RSPO3: variants seen among roughly 807,000 people sequenced by gnomAD.
The protein encoded by RSPO3 is R-spondin-3.
Under a neutral mutation model 36.5 loss-of-function variants are expected in RSPO3, and 17 were observed. The observed-to-expected ratio is 0.47, with a 90% CI of 0.32 to 0.70. The LOEUF is 0.70. Ranked by LOEUF, RSPO3 falls within the 30% of genes least tolerant of loss-of-function variation. The pLI is 0.04. For missense variants in RSPO3, 294 were observed against 322.5 expected, an observed-to-expected ratio of 0.91 and a Z score of 0.68; for synonymous variants, 108 against 107.0, an observed-to-expected ratio of 1.01 and a Z score of -0.06.
At chr6:127,151,570 T>C (rs1183383364) in intron 3 of RSPO3, among the ~76,000 whole-genome samples, 3 of 152,028 alleles carry the variant, frequency 2.0e-5, no homozygotes, top group African/African-American at 7.2e-5. Context: ...AGGGGTCCCT[T>C]AGAATCTAAA....
At chr6:127,135,520 A>T (rs1774138690) in intron 1 of RSPO3, among the ~76,000 whole-genome samples, 1 of 151,828 alleles carries the variant, frequency 6.6e-6, no homozygotes, top group Admixed American at 6.6e-5. Context: ...GAAGATGTGA[A>T]CTCTATTAAT....
chr6:127,144,811 G>A (rs1457435073), intron 1 of RSPO3, among the ~76,000 whole-genome samples: 1 of 151,608 alleles, frequency 6.6e-6, no homozygotes, highest in East Asian at 1.9e-4. Flanking sequence ...TAGTAGAGAC[G>A]GAGTTTCACC....
chr6:127,167,640 T>C (rs1357296039), intron 4 of RSPO3, among the ~76,000 whole-genome samples: 1 of 151,996 alleles, frequency 6.6e-6, no homozygotes, highest in Non-Finnish European at 1.5e-5. Context: ...CTTTAAGTTC[T>C]AGGGTACATG....
In RSPO3 at chr6:127,198,619, C is replaced by T. The variant is rs948363548; in HGVS notation, c.*2612C>T. On this transcript the variant is annotated 3_prime_UTR_variant, in exon 5 of 5. Transcript: ENST00000356698. ...ATAAATCTGTTAATGTCTGATCAAGCTCCTGCCCTGTTCTCCGAATTCAGC... is the reference window on the plus strand; with the variant it reads ...ATAAATCTGTTAATGTCTGATCAAGTTCCTGCCCTGTTCTCCGAATTCAGC... Among the ~76,000 whole-genome samples the T allele has an allele frequency of 3.3e-5, 5 of 152,190 alleles. No homozygotes were observed. The highest frequency in any genetic ancestry group is 7.2e-5 in the African/African-American group (3 of 41,446).
At chr6:127,126,347 G>C (rs1483577903) in intron 1 of RSPO3, among the ~76,000 whole-genome samples, 1 of 152,096 alleles carries the variant, frequency 6.6e-6, no homozygotes, top group Non-Finnish European at 1.5e-5. Context: ...AATGTGTGCT[G>C]TGATGACATT....
chr6:127,134,896 C>T (rs1774123132), intron 1 of RSPO3, among the ~76,000 whole-genome samples: 1 of 152,122 alleles, frequency 6.6e-6, no homozygotes, highest in Non-Finnish European at 1.5e-5. Flanking sequence ...ATCTTCTGAC[C>T]TAATGAATAG....
At chr6:127,120,835 T>C (rs148615318) in intron 1 of RSPO3, among the ~76,000 whole-genome samples, 1 of 152,364 alleles carries the variant, frequency 6.6e-6, no homozygotes, top group East Asian at 1.9e-4. Context: ...TCCGATTTAT[T>C]ATTCTTGGCC....
intron 1 of RSPO3, among the ~76,000 whole-genome samples, chr6:127,133,160 T>C (rs1774090071): frequency 6.6e-6 from 1 of 152,148 alleles, no homozygotes; most frequent in African/African-American, 2.4e-5. Flanking sequence ...ACATATGCAA[T>C]GGAACTTTAC....
intron 4 of RSPO3, among the ~76,000 whole-genome samples, chr6:127,161,366 G>C: frequency 8.0e-6 from 1 of 125,764 alleles, no homozygotes; most frequent in East Asian, 2.4e-4. Flanking sequence ...CAATATTAAA[G>C]AAAAAGCTCT....
At chr6:127,140,796 A>G (rs1774253599) in intron 1 of RSPO3, among the ~76,000 whole-genome samples, 3 of 152,106 alleles carry the variant, frequency 2.0e-5, no homozygotes, top group Non-Finnish European at 4.4e-5. Context: ...TTGCAGCCTC[A>G]TTGGTACCTG....
intron 4 of RSPO3, among the ~76,000 whole-genome samples, chr6:127,178,912 G>A (rs144285984): frequency 7.2e-5 from 11 of 151,860 alleles, no homozygotes; most frequent in Admixed American, 4.6e-4. Context: ...GAACTGAAGC[G>A]GTGAACACCC....
rs534775552 is a variant in RSPO3, at chr6:127,129,510, C to T, written c.97+10221C>T. Among the ~76,000 whole-genome samples, 12 of 152,170 alleles carry T rather than the reference C, an allele frequency of 7.9e-5. No homozygotes were observed. In the South Asian group the frequency reaches 2.5e-3, roughly 32 times the overall value. ...AGTAATTAGACTGAAGAAAGCCAGGCTCCTTGGGAGGAAGGTCATCACAGC... is the reference window on the plus strand; with the variant it reads ...AGTAATTAGACTGAAGAAAGCCAGGTTCCTTGGGAGGAAGGTCATCACAGC... On this transcript the variant is annotated intron_variant, in intron 1 of 4. Coordinates refer to ENST00000356698, the MANE Select transcript of RSPO3 (RefSeq NM_032784.5).
chr6:127,176,028 T>C (rs576247872), intron 4 of RSPO3, among the ~76,000 whole-genome samples: 2 of 151,910 alleles, frequency 1.3e-5, no homozygotes, highest in South Asian at 4.1e-4. Flanking sequence ...TTGGATGCTC[T>C]GTAATGTTAA....
At chr6:127,120,416 G>A (rs959907148) in intron 1 of RSPO3, among the ~76,000 whole-genome samples, 2 of 152,204 alleles carry the variant, frequency 1.3e-5, no homozygotes, top group African/African-American at 4.8e-5. Context: ...GCTCGCGAGG[G>A]GCAGGAAGCG....
At position 127,148,703 on chromosome 6, in the gene RSPO3, C is replaced by T; in HGVS notation, c.153C>T (p.Tyr51=). ...GAGGCTGTGCAACATGCTCAGATTA[C>T]AATGGATGTTTGTCATGTAAGCCCA... ...CQGGCATCSD[Y]NGCLSCKPRL... is the part of the protein sequence containing the mutation. The change falls in exon 2 of 5, where the codon TAC becomes TAT. Residue 51 remains tyrosine (Y), a synonymous_variant. Transcript: ENST00000356698. 1 of 1,613,232 alleles carries T rather than the reference C, an allele frequency of 6.2e-7. No homozygotes were observed. The highest frequency in any genetic ancestry group is 1.1e-5 in the South Asian group (1 of 91,032).
chr6:127,159,510 G>A (rs900445176), intron 4 of RSPO3, among the ~76,000 whole-genome samples: 1 of 151,982 alleles, frequency 6.6e-6, no homozygotes, highest in Non-Finnish European at 1.5e-5. Context: ...GGACACTCCA[G>A]GGAAGAAACA....
At chr6:127,172,768 A>T (rs1344959583) in intron 4 of RSPO3, among the ~76,000 whole-genome samples, 1 of 151,744 alleles carries the variant, frequency 6.6e-6, no homozygotes, top group East Asian at 1.9e-4. Context: ...GCATATATGC[A>T]TTATTATTAT....
At chr6:127,161,918 C>A (rs554968780) in intron 4 of RSPO3, among the ~76,000 whole-genome samples, 2 of 152,192 alleles carry the variant, frequency 1.3e-5, no homozygotes, top group South Asian at 2.1e-4. Flanking sequence ...TAACAAATAA[C>A]CTCAAAACAT....
chr6:127,142,312 A>G (rs1211997201), intron 1 of RSPO3, among the ~76,000 whole-genome samples: 1 of 152,192 alleles, frequency 6.6e-6, no homozygotes, highest in African/African-American at 2.4e-5. Flanking sequence ...TTAACACATG[A>G]ACAAATGAGA....
Sources: gnomAD v4.1 joint callset for allele counts (sites outside exome capture counted in the v4.1 genomes callset) on GRCh38, gnomAD v4.1.1 for gene constraint, MANE v1.5 for transcripts, NCBI Gene and HGNC (gene_info 2026-07-23, HGNC 2026-07-21) for gene names.